The following FHOD3 variants were observed in gnomAD, a reference collection of about 807,000 sequenced individuals.
FHOD3 encodes the protein formin homology 2 domain containing 3.
FHOD3 carries 90 observed loss-of-function variants against 173.0 expected under a neutral mutation model. That is an observed-to-expected ratio of 0.52 (90% confidence interval 0.44 to 0.62). FHOD3 has a LOEUF of 0.62. Among genes scored for constraint, FHOD3 ranks in the 20% least tolerant of loss-of-function variants. The pLI is 0.00. For missense variants in FHOD3, 1,945 were observed against 2,034.7 expected (o/e 0.96, Z 0.85); for synonymous variants, 828 against 823.0 (o/e 1.01, Z -0.10).
At chr18:36,425,927 A>G (rs10468844) in intron 3 of FHOD3, among the ~76,000 whole-genome samples, 114,962 of 150,236 alleles carry the variant, frequency 0.77, 44,312 homozygotes, top group East Asian at 0.93. Flanking sequence ...TCGAGACGAA[A>G]TCTTGCTCTG....
chr18:36,340,863 T>C (rs1442629774), intron 1 of FHOD3, among the ~76,000 whole-genome samples: 3 of 152,112 alleles, frequency 2.0e-5, no homozygotes, highest in Non-Finnish European at 4.4e-5. Flanking sequence ...GGTCTCGATC[T>C]CCTGGCCTCA....
At chr18:36,392,006 G>C (rs111759813) in intron 3 of FHOD3, among the ~76,000 whole-genome samples, 119 of 152,318 alleles carry the variant, frequency 7.8e-4, no homozygotes, top group African/African-American at 2.7e-3. Flanking sequence ...TGTGCTCACC[G>C]CACACGTAAG....
At chr18:36,476,867 A>G (rs933849661) in intron 3 of FHOD3, among the ~76,000 whole-genome samples, 2 of 152,190 alleles carry the variant, frequency 1.3e-5, no homozygotes, top group South Asian at 4.1e-4. Flanking sequence ...TTTACCAAGG[A>G]ATGTTCTTGG....
At chr18:36,776,318 C>A (rs556522826) in intron 28 of FHOD3, among the ~76,000 whole-genome samples, 1 of 152,030 alleles carries the variant, frequency 6.6e-6, no homozygotes, top group African/African-American at 2.4e-5. Flanking sequence ...AGGCTCCCAT[C>A]GCAGAGGCTC....
intron 5 of FHOD3, among the ~76,000 whole-genome samples, chr18:36,566,058 A>G (rs949062907): frequency 4.6e-5 from 7 of 152,208 alleles, no homozygotes; most frequent in Non-Finnish European, 8.8e-5. Context: ...CCTTAATTTC[A>G]CTGTCATATA....
At chr18:36,419,561 T>C (rs1295333190) in intron 3 of FHOD3, among the ~76,000 whole-genome samples, 3 of 152,216 alleles carry the variant, frequency 2.0e-5, no homozygotes, top group Admixed American at 2.0e-4. Flanking sequence ...AGGAACCCTG[T>C]AGCAACTTGT....
intron 14 of FHOD3, among the ~76,000 whole-genome samples, chr18:36,658,918 A>C (rs1315331144): frequency 1.3e-5 from 2 of 152,166 alleles, no homozygotes; most frequent in Non-Finnish European, 2.9e-5. Context: ...ATGAGCAAAC[A>C]AAAGTCCACT....
At chr18:36,600,487 G>A (rs1242442622) in intron 7 of FHOD3, among the ~76,000 whole-genome samples, 3 of 152,050 alleles carry the variant, frequency 2.0e-5, no homozygotes, top group South Asian at 2.1e-4. Context: ...AAATATTTCC[G>A]ATTTTCTGCC....
chr18:36,443,087 A>C (rs1370869336), intron 3 of FHOD3, among the ~76,000 whole-genome samples: 1 of 152,206 alleles, frequency 6.6e-6, no homozygotes, highest in African/African-American at 2.4e-5. Flanking sequence ...ACGTGTTGCC[A>C]ATGTTTCTCA....
chr18:36,298,748 C>G (rs1297311909), intron 1 of FHOD3, among the ~76,000 whole-genome samples: 1 of 144,492 alleles, frequency 6.9e-6, no homozygotes, highest in African/African-American at 2.6e-5. Context: ...CTCAGTCTAC[C>G]CGTTAGAGAG....
chr18:36,541,784 G>A (rs553787657), intron 5 of FHOD3, among the ~76,000 whole-genome samples: 1 of 152,236 alleles, frequency 6.6e-6, no homozygotes, highest in East Asian at 1.9e-4. Flanking sequence ...CATTTAACAT[G>A]CTTCTCTATG....
intron 27 of FHOD3, among the ~76,000 whole-genome samples, chr18:36,767,930 C>A (rs1277380302): frequency 6.6e-6 from 1 of 152,028 alleles, no homozygotes; most frequent in Non-Finnish European, 1.5e-5. Flanking sequence ...CATTACCAGC[C>A]AGGTGGTTGT....
chr18:36,708,940 C>G (rs980716748), intron 17 of FHOD3, among the ~76,000 whole-genome samples, 155 bp from the exon 18 acceptor site: 1 of 152,170 alleles, frequency 6.6e-6, no homozygotes, highest in Non-Finnish European at 1.5e-5. Flanking sequence ...AGCATTGCCT[C>G]GATGAGTGTT....
At chr18:36,303,968 A>G (rs1052616143) in intron 1 of FHOD3, among the ~76,000 whole-genome samples, 5 of 152,346 alleles carry the variant, frequency 3.3e-5, no homozygotes, top group East Asian at 3.9e-4. Flanking sequence ...AGCTTTGCCA[A>G]TCAGCGCAAT....
intron 15 of FHOD3, among the ~76,000 whole-genome samples, chr18:36,686,027 T>C (rs1188224918): frequency 6.6e-6 from 1 of 152,048 alleles, no homozygotes; most frequent in Non-Finnish European, 1.5e-5. Context: ...GGGTTGTCAC[T>C]GTGGATGACA....
chr18:36,634,682 A>G (rs1599979027), intron 10 of FHOD3, among the ~76,000 whole-genome samples: 2 of 152,266 alleles, frequency 1.3e-5, no homozygotes, highest in South Asian at 4.2e-4. Flanking sequence ...GGGGGAGGGC[A>G]TAGGCGTGGT....
At chr18:36,403,230 T>C (rs2048909740) in intron 3 of FHOD3, among the ~76,000 whole-genome samples, 1 of 152,224 alleles carries the variant, frequency 6.6e-6, no homozygotes, top group Admixed American at 6.5e-5. Flanking sequence ...TGTTCTGTCC[T>C]CTGCAGCTTC....
intron 2 of FHOD3, among the ~76,000 whole-genome samples, chr18:36,356,222 G>A (rs183529027): frequency 6.5e-4 from 99 of 152,146 alleles, no homozygotes; most frequent in African/African-American, 2.3e-3. Context: ...AGTTTTATAC[G>A]GTATCATCTT....
intron 1 of FHOD3, among the ~76,000 whole-genome samples, chr18:36,333,012 A>G (rs565348529): frequency 6.6e-6 from 1 of 152,162 alleles, no homozygotes; most frequent in Non-Finnish European, 1.5e-5. Flanking sequence ...CATGTTTGCT[A>G]TGAACATTTT....
Sources: allele counts gnomAD v4.1 joint callset (sites outside exome capture counted in the v4.1 genomes callset), GRCh38; gene constraint gnomAD v4.1.1; transcripts MANE v1.5; gene names NCBI Gene and HGNC (gene_info 2026-07-23, HGNC 2026-07-21).